Variants in SLC17A1 observed in about 807,000 individuals in gnomAD.
The protein encoded by SLC17A1 is solute carrier family 17 member 1, also known as sodium-dependent phosphate transport protein 1.
In SLC17A1, 51 loss-of-function variants were observed where a neutral mutation model predicts 53.5. That is an observed-to-expected ratio of 0.95 (90% CI 0.76 to 1.20). The LOEUF is 1.20. Among genes scored for constraint, SLC17A1 ranks in the 50% most tolerant of loss-of-function variants. The pLI, the probability that SLC17A1 is intolerant of heterozygous loss-of-function variation, is 0.00. For missense variants in SLC17A1, 538 were observed against 568.2 expected, an observed-to-expected ratio of 0.95 and a Z score of 0.54; for synonymous variants, 179 against 198.8, an observed-to-expected ratio of 0.90 and a Z score of 0.84.
intron 1 of SLC17A1, among the ~76,000 whole-genome samples, chr6:25,831,548 A>G (rs150399349): frequency 7.2e-5 from 11 of 152,190 alleles, no homozygotes; most frequent in Non-Finnish European, 1.5e-4. Context: ...AACTCCCCTT[A>G]TGTTCTCCAC....
chr6:25,813,737 C>G (rs546590305), intron 6 of SLC17A1, among the ~76,000 whole-genome samples: 7 of 152,282 alleles, frequency 4.6e-5, no homozygotes, highest in Non-Finnish European at 7.4e-5. Flanking sequence ...ACCCTCTACC[C>G]AGTGGTAGAA....
intron 3 of SLC17A1, among the ~76,000 whole-genome samples, chr6:25,823,959 A>G (rs1365211524): frequency 6.6e-6 from 1 of 152,012 alleles, no homozygotes; most frequent in African/African-American, 2.4e-5. Context: ...ACCTCCAACT[A>G]CTAATTTTCC....
the SLC17A1 span, among the ~76,000 whole-genome samples, chr6:25,751,970 C>T: frequency 2.0e-5 from 3 of 152,152 alleles, no homozygotes; most frequent in Non-Finnish European, 4.4e-5. Flanking sequence ...TTCCTATATG[C>T]CTTATAGTAG....
intron 11 of SLC17A1, 99 bp from the exon 12 acceptor site, chr6:25,799,018 G>T: frequency 8.8e-7 from 1 of 1,142,330 alleles, no homozygotes; most frequent in Non-Finnish European, 1.2e-6. Flanking sequence ...CTCAAGTCAC[G>T]TAACAAATAT....
At chr6:25,796,964 A>C (rs979719866) in intron 12 of SLC17A1, among the ~76,000 whole-genome samples, 3 of 152,184 alleles carry the variant, frequency 2.0e-5, no homozygotes, top group African/African-American at 7.2e-5. Context: ...GCCACTGTGG[A>C]TAAGCTCTAG....
At chr6:25,752,765 A>G in the SLC17A1 span, among the ~76,000 whole-genome samples, 1 of 152,246 alleles carries the variant, frequency 6.6e-6, no homozygotes, top group East Asian at 1.9e-4. Context: ...ATCCTGGCTA[A>G]CACAGTGAAA....
chr6:25,809,665 T>A (rs924444948), intron 10 of SLC17A1, among the ~76,000 whole-genome samples: 1 of 151,648 alleles, frequency 6.6e-6, no homozygotes, highest in Non-Finnish European at 1.5e-5. Flanking sequence ...ATAGGAAGAA[T>A]TAATGTTGTT....
In SLC17A1 at chr6:25,812,926, A is replaced by G; in HGVS notation, c.802T>C (p.Ser268Pro). 1 of 1,613,976 alleles carries G rather than the reference A, an allele frequency of 6.2e-7. No homozygotes were observed. The highest frequency in any genetic ancestry group is 8.5e-7 in the Non-Finnish European group (1 of 1,179,794). ...ILKSLPVWAI[S>P]TGSFTFFWSH... ...CAGAAAAACGTAAAACTACCAGTGGAAATAGCCCAGACTGGAAGCGACTTA... is the reference window on the plus strand; with the variant it reads ...CAGAAAAACGTAAAACTACCAGTGGGAATAGCCCAGACTGGAAGCGACTTA... Residue 268 changes from serine to proline, a missense_variant, in exon 8 of 13, where the codon TCC (serine) becomes CCC (proline). Transcript: ENST00000244527.
the SLC17A1 span, chr6:25,726,042 TAC>T: frequency 1.6e-6 from 2 of 1,222,058 alleles, no homozygotes; most frequent in Non-Finnish European, 2.3e-6. Context: ...TTTTGTAACG[TAC>T]AGCCTTTTTC....
chr6:25,813,094 C>T lies in SLC17A1; in HGVS notation c.735+1G>A, dbSNP rs982908328. 1.2e-6 allele frequency: 2 copies of T among 1,613,408 alleles called. No individual in the cohort carries two copies. The highest frequency in any genetic ancestry group is 2.2e-5 in the East Asian group (1 of 44,888). On this transcript the variant is annotated splice_donor_variant, in intron 7 of 12. Coordinates refer to ENST00000244527, the MANE Select transcript of SLC17A1 (RefSeq NM_005074.5). LOFTEE classifies it high-confidence loss of function. ...TGCCAATATGGAGAACTGTGTTCTA[C>T]CTGCTGGACCAGGGAGGATGTGATG...
At chr6:25,808,079 A>T (rs554461254) in intron 10 of SLC17A1, among the ~76,000 whole-genome samples, 63 of 152,270 alleles carry the variant, frequency 4.1e-4, no homozygotes, top group African/African-American at 1.4e-3. Context: ...TTACATTCCC[A>T]CCAACAGTGT....
the SLC17A1 span, among the ~76,000 whole-genome samples, chr6:25,748,817 G>C: frequency 6.6e-6 from 1 of 152,228 alleles, no homozygotes; most frequent in East Asian, 1.9e-4. Flanking sequence ...ACGTAAGCCA[G>C]ATTTATGCTT....
chr6:25,829,582 C>T (rs1764873428), intron 2 of SLC17A1, among the ~76,000 whole-genome samples: 1 of 152,072 alleles, frequency 6.6e-6, no homozygotes, highest in Non-Finnish European at 1.5e-5. Context: ...TAGGGGTATG[C>T]TTTTGAGTTT....
chr6:25,821,665 G>A (rs1764567036), intron 3 of SLC17A1, among the ~76,000 whole-genome samples: 1 of 152,126 alleles, frequency 6.6e-6, no homozygotes, highest in Non-Finnish European at 1.5e-5. Flanking sequence ...ACAGCAGAAT[G>A]TAGAAAATAA....
the SLC17A1 span, among the ~76,000 whole-genome samples, chr6:25,747,723 G>A: frequency 6.6e-6 from 1 of 152,188 alleles, no homozygotes; most frequent in Admixed American, 6.5e-5. Context: ...CACCACTAGA[G>A]GATACAACTC....
At chr6:25,726,726 G>T in the SLC17A1 span, 1 of 1,041,696 alleles carries the variant, frequency 9.6e-7, no homozygotes, top group East Asian at 2.4e-5. Flanking sequence ...TACCGAACGC[G>T]GCGTTTGAGG....
At chr6:25,777,881 C>T in the SLC17A1 span, 91 of 1,509,988 alleles carry the variant, frequency 6.0e-5, no homozygotes, top group East Asian at 4.5e-5. Context: ...GACTTTCAAA[C>T]GTAGGTATAC....
chr6:25,813,781 C>T lies in SLC17A1; in HGVS notation c.617-568G>A, dbSNP rs375575275. Among the ~76,000 whole-genome samples the T allele has an allele frequency of 5.3e-5, 8 of 152,260 alleles. No individual in the cohort carries two copies. The South Asian group carries it at 1.0e-3, about 20-fold the overall frequency. ...CCTCAGTGTGTGTTGTTCCCCTCTA[C>T]GTGTTCACGTGTTCTCATCATTTAG... On this transcript the variant is annotated intron_variant, in intron 6 of 12. Coordinates refer to ENST00000244527, the MANE Select transcript of SLC17A1 (RefSeq NM_005074.5).
At chr6:25,770,222 G>A in the SLC17A1 span, 1 of 1,614,022 alleles carries the variant, frequency 6.2e-7, no homozygotes, top group East Asian at 2.2e-5. Flanking sequence ...CCTCATTCCT[G>A]ACCCTCTTCA....
Sources: allele counts gnomAD v4.1 joint callset (sites outside exome capture counted in the v4.1 genomes callset), GRCh38; gene constraint gnomAD v4.1.1; transcripts MANE v1.5; gene names NCBI Gene and HGNC (gene_info 2026-07-23, HGNC 2026-07-21).